RAVER2: variants seen among roughly 807,000 people sequenced by gnomAD.
RAVER2 encodes the protein ribonucleoprotein, PTB binding 2.
A neutral mutation model predicts 78.1 loss-of-function variants in RAVER2; 46 were observed. The observed-to-expected ratio is 0.59, with a 90% CI of 0.46 to 0.75. The LOEUF is 0.75. Among genes scored for constraint, RAVER2 ranks in the 30% least tolerant of loss-of-function variants. The pLI, the probability that RAVER2 is intolerant of heterozygous loss-of-function variation, is 0.00. For missense variants in RAVER2, 793 were observed against 837.5 expected (o/e 0.95, Z 0.66); for synonymous variants, 311 against 313.3 (o/e 0.99, Z 0.08).
At chr1:64,798,119 T>C (rs1321650464) in intron 5 of RAVER2, among the ~76,000 whole-genome samples, 1 of 124,730 alleles carries the variant, frequency 8.0e-6, no homozygotes, top group Non-Finnish European at 1.6e-5. Flanking sequence ...TTCCCCTTCC[T>C]GTGTCCATGT....
intron 11 of RAVER2, among the ~76,000 whole-genome samples, chr1:64,829,434 C>T (rs748851260): frequency 6.6e-6 from 1 of 152,090 alleles, no homozygotes; most frequent in East Asian, 1.9e-4. Flanking sequence ...GGCTGGGGTC[C>T]AACATTCAGA....
chr1:64,777,180 T>C (rs1570546012), intron 2 of RAVER2, among the ~76,000 whole-genome samples: 1 of 152,176 alleles, frequency 6.6e-6, no homozygotes. Context: ...ATAGGCTCTT[T>C]TAGAACTCTT....
intron 1 of RAVER2, among the ~76,000 whole-genome samples, chr1:64,761,232 C>A (rs1309756266): frequency 6.6e-6 from 1 of 152,120 alleles, no homozygotes; most frequent in Non-Finnish European, 1.5e-5. Context: ...ACTTTCCAGC[C>A]AAAACCCTGC....
chr1:64,810,051 T>C lies in RAVER2; in HGVS notation c.1680+2577T>C, dbSNP rs547986464. The stretch of plus-strand genomic sequence containing the variant: ...TTGTAAATAATGCTGCTGTGAACAT[T>C]GGTATCTGAGTCCCTGCTTTCAATT... On this transcript the variant is annotated intron_variant, in intron 9 of 11. Coordinates refer to ENST00000294428, the Ensembl canonical transcript of RAVER2. 6.4e-4 allele frequency among the ~76,000 whole-genome samples: 97 copies of C among 152,358 alleles called. 3 individuals carry two copies. The South Asian group carries it at 0.019, about 31-fold the overall frequency.
At chr1:64,799,898 G>A (rs776405126) in intron 5 of RAVER2, among the ~76,000 whole-genome samples, 34 of 151,956 alleles carry the variant, frequency 2.2e-4, no homozygotes, top group South Asian at 4.2e-4. Flanking sequence ...CCTTTTTTCC[G>A]CATCCTCACT....
intron 1 of RAVER2, among the ~76,000 whole-genome samples, chr1:64,753,817 C>T (rs753139931): frequency 2.0e-5 from 3 of 152,122 alleles, no homozygotes; most frequent in Admixed American, 6.5e-5. Context: ...CCACCGTGCC[C>T]GGCCTCTCAT....
rs58298918 is a variant in RAVER2, at chr1:64,763,917, T to TACACACACACACACACACACACAC, written c.250-4724_250-4701dup. Among the ~76,000 whole-genome samples the TACACACACACACACACACACACAC allele has an allele frequency of 2.5e-4, 33 of 133,812 alleles. No homozygotes were observed. In the East Asian group the frequency reaches 4.6e-3, roughly 19 times the overall value. The allele number at this position is 133,812 out of a possible 152,430, so 87.8% of individuals were successfully genotyped here. ...AAACTCCATCTCAAAAAAACAAAAA[T>TACACACACACACACACACACACAC]ACACACACACACACACACACACACA... On this transcript the variant is annotated intron_variant, in intron 1 of 11. Coordinates refer to ENST00000294428, the Ensembl canonical transcript of RAVER2.
intron 1 of RAVER2, among the ~76,000 whole-genome samples, chr1:64,756,484 A>G (rs1651859258): frequency 6.6e-6 from 1 of 152,050 alleles, no homozygotes; most frequent in African/African-American, 2.4e-5. Flanking sequence ...GGAGAGTGGG[A>G]GCTTCAAATT....
intron 4 of RAVER2, among the ~76,000 whole-genome samples, chr1:64,782,363 GT>G: frequency 6.6e-6 from 1 of 152,270 alleles, no homozygotes; most frequent in African/African-American, 2.4e-5. Flanking sequence ...CTTCTTCACA[GT>G]TTTTACCCTA....
chr1:64,750,244 A>G (rs985661255), intron 1 of RAVER2, among the ~76,000 whole-genome samples: 3 of 150,646 alleles, frequency 2.0e-5, no homozygotes, highest in African/African-American at 7.3e-5. Context: ...AATGTAAGAA[A>G]CTCTAGTTAA....
chr1:64,831,040 A>T, exon 12 of RAVER2: 1 of 1,533,636 alleles, frequency 6.5e-7, no homozygotes, highest in Non-Finnish European at 8.8e-7. Flanking sequence ...TCTGCTGTTC[A>T]TCGCTGCCTT....
intron 3 of RAVER2, 91 bp from the exon 4 acceptor site, chr1:64,781,289 C>T (rs2100838411): frequency 1.7e-6 from 2 of 1,197,636 alleles, no homozygotes; most frequent in East Asian, 2.4e-5. Context: ...TGCTCCAATG[C>T]ACTTGTTCTT....
intron 1 of RAVER2, among the ~76,000 whole-genome samples, chr1:64,749,242 A>C (rs1268955608): frequency 6.6e-6 from 1 of 151,806 alleles, no homozygotes; most frequent in East Asian, 1.9e-4. Context: ...ACGGATTCTC[A>C]CTCTGTCGCC....
At chr1:64,766,560 G>A (rs1652180941) in intron 1 of RAVER2, among the ~76,000 whole-genome samples, 1 of 152,048 alleles carries the variant, frequency 6.6e-6, no homozygotes, top group Non-Finnish European at 1.5e-5. Context: ...TAGAGATATG[G>A]GTGTTTTCAA....
At chr1:64,817,042 C>T (rs1653772676) in intron 11 of RAVER2, among the ~76,000 whole-genome samples, 1 of 152,112 alleles carries the variant, frequency 6.6e-6, no homozygotes, top group East Asian at 1.9e-4. Context: ...ACAAAGAACT[C>T]AAACAAATTT....
intron 1 of RAVER2, among the ~76,000 whole-genome samples, chr1:64,750,304 T>C (rs1651663034): frequency 6.6e-6 from 1 of 150,670 alleles, no homozygotes; most frequent in Admixed American, 6.6e-5. Context: ...TTCTTTTTCT[T>C]TTCTTTTTTT....
At chr1:64,826,286 A>C (rs1283554559) in intron 11 of RAVER2, among the ~76,000 whole-genome samples, 1 of 152,252 alleles carries the variant, frequency 6.6e-6, no homozygotes, top group Non-Finnish European at 1.5e-5. Flanking sequence ...TGATCGCTGC[A>C]GAGAAAATAA....
chr1:64,786,446 T>A (rs1405943295), intron 4 of RAVER2, among the ~76,000 whole-genome samples: 1 of 152,258 alleles, frequency 6.6e-6, no homozygotes, highest in Non-Finnish European at 1.5e-5. Context: ...TTCGTCACCC[T>A]GCTTTTTCTT....
Position 64,745,214 on chromosome 1 carries a change from GGGCCTGGGCAGCGC to G in RAVER2, c.46_59del (p.Leu16GlyfsTer32). On this transcript the variant is annotated frameshift_variant, in exon 1 of 12. Coordinates refer to ENST00000294428, the Ensembl canonical transcript of RAVER2. LOFTEE classifies it high-confidence loss of function. This position sits in a 1 kb window ranked among gnomAD's most constrained non-coding sequence, Gnocchi z 4.3. ...GAGACGGCGGCGGCGAGGGGGGCGCGGGCCTGGGCAGCGCGGCGGGGCTGGGGCCGGGGCCGGGG... is the reference window on the plus strand; with the variant it reads ...GAGACGGCGGCGGCGAGGGGGGCGCGGGCGGGGCTGGGGCCGGGGCCGGGG... 1.9e-6 allele frequency: 2 copies of G among 1,066,068 alleles called. No homozygotes were observed. The highest frequency in any genetic ancestry group is 2.3e-6 in the Non-Finnish European group (2 of 882,528). The allele number at this position is 1,066,068 out of a possible 1,614,324, so 66.0% of individuals were successfully genotyped here.
Sources: allele counts gnomAD v4.1 joint callset (sites outside exome capture counted in the v4.1 genomes callset), GRCh38; gene constraint gnomAD v4.1.1; non-coding constraint Gnocchi (gnomAD v3.1); transcripts MANE v1.5; gene names NCBI Gene and HGNC (gene_info 2026-07-23, HGNC 2026-07-21).